NPAT: variants seen among roughly 807,000 people sequenced by gnomAD.
NPAT encodes the protein nuclear protein, coactivator of histone transcription, also known as protein NPAT.
In NPAT, 52 loss-of-function variants were observed where a neutral mutation model predicts 130.7. The observed-to-expected ratio is 0.40, with a 90% CI of 0.32 to 0.50. NPAT has a LOEUF of 0.50. NPAT is among the 20% of genes least tolerant of loss of function. NPAT has a pLI of 0.68. For missense variants in NPAT, 1,687 were observed against 1,662.6 expected (o/e 1.01, Z -0.26); for synonymous variants, 580 against 584.8 (o/e 0.99, Z 0.12).
At chr11:108,162,824 A>C (rs2077864946) in intron 15 of NPAT, among the ~76,000 whole-genome samples, 1 of 152,228 alleles carries the variant, frequency 6.6e-6, no homozygotes, top group Non-Finnish European at 1.5e-5. Context: ...AGTCACTTAA[A>C]GAAAACAACA....
chr11:108,197,235 A>AT, intron 2 of NPAT, 67 bp downstream of exon 2: 1 of 1,145,826 alleles, frequency 8.7e-7, no homozygotes, highest in South Asian at 1.2e-5. Flanking sequence ...TGATAAGCTG[A>AT]TTTTATGACT....
Position 108,173,786 on chromosome 11 carries a change from T to A in NPAT, c.1198A>T (p.Lys400Ter). Reference protein sequence around the residue: ...YQNDDPLNALKNSNNHDVLRQ... With the variant: ...YQNDDPLNAL Reference sequence around the variant, plus strand: ...AGCACATCATGGTTGTTGCTATTCTTCAAAGCATTTAATGGGTCATCATTC... The same window carrying A: ...AGCACATCATGGTTGTTGCTATTCTACAAAGCATTTAATGGGTCATCATTC... The change falls in exon 13 of 18, where the codon AAG becomes TAG. Residue 400 changes from lysine (K) to a stop codon, truncating the protein, a stop_gained. Transcript: ENST00000278612. LOFTEE classifies it high-confidence loss of function. 6.2e-7 allele frequency: 1 copy of A among 1,614,184 alleles called. No homozygotes were observed. The highest frequency in any genetic ancestry group is 8.5e-7 in the Non-Finnish European group (1 of 1,180,026).
chr11:108,172,071 A>G, intron 13 of NPAT, 128 bp downstream of exon 13: 1 of 815,440 alleles, frequency 1.2e-6, no homozygotes, highest in Non-Finnish European at 2.1e-6. Context: ...CAGCGTAATC[A>G]CAAATTTCAG....
rs1308590465 is a variant in NPAT at position 108,172,289 on chromosome 11, C to G, written c.2695G>C (p.Ala899Pro). The G allele has an allele frequency of 6.2e-7, 1 of 1,614,058 alleles. No homozygotes were observed. The part of the protein sequence containing the change: ...VLPGNSAPMT[A>P]QPLPPQLQTP... ...TGTAACTGAGGTGGTAGAGGTTGAG[C>G]AGTCATAGGTGCAGAATTTCCAGGC... Residue 899 changes from alanine (A) to proline (P), a missense_variant, in exon 13 of 18, where the codon GCT becomes CCT. Ala to Pro is a conservative substitution (Grantham distance 27). Around this residue, in one of 3 missense-constraint regions of NPAT, gnomAD observed 1,379 missense variants for 1,346.6 expected, o/e 1.02. Coordinates refer to ENST00000278612, the MANE Select transcript of NPAT (RefSeq NM_002519.3).
intron 1 of NPAT, among the ~76,000 whole-genome samples, chr11:108,211,478 G>A (rs2134895901): frequency 6.6e-6 from 1 of 151,968 alleles, no homozygotes; most frequent in Non-Finnish European, 1.5e-5. Context: ...GGGAAGTCAA[G>A]GCTGCAGTGA....
chr11:108,202,592 C>T (rs1174015913), intron 1 of NPAT, among the ~76,000 whole-genome samples: 1 of 152,140 alleles, frequency 6.6e-6, no homozygotes, highest in Non-Finnish European at 1.5e-5. Flanking sequence ...AAGCATAAAA[C>T]CTATCAATTG....
intron 1 of NPAT, among the ~76,000 whole-genome samples, chr11:108,212,744 A>T (rs1565329229): frequency 6.6e-6 from 1 of 151,856 alleles, no homozygotes. Context: ...CAGGAGTTCG[A>T]GACCAGTCTG....
At chr11:108,170,105 A>G (rs1342552264) in intron 13 of NPAT, 62 bp from the exon 14 acceptor site, 1 of 1,086,066 alleles carries the variant, frequency 9.2e-7, no homozygotes, top group African/African-American at 1.5e-5. Flanking sequence ...CAAAACAAAC[A>G]AATGTTTGGC....
intron 8 of NPAT, 52 bp from the exon 9 acceptor site, chr11:108,185,546 T>C: frequency 2.6e-6 from 3 of 1,156,058 alleles, no homozygotes; most frequent in Non-Finnish European, 3.9e-6. Context: ...TATTCTGCTA[T>C]TTAATATTTA....
rs142612255 is a variant in NPAT at position 108,212,134 on chromosome 11, A to G, written c.37+10366T>C. Reference sequence around the variant, plus strand: ...TGGTTTAAAATTCAAACCTTTCCCCATAAGATCAGGGAAAAGGTAAGAAGG... The same window carrying G: ...TGGTTTAAAATTCAAACCTTTCCCCGTAAGATCAGGGAAAAGGTAAGAAGG... On this transcript the variant is annotated intron_variant, in intron 1 of 17. Transcript: ENST00000278612. Among the ~76,000 whole-genome samples, 1,258 of 151,870 alleles carry G rather than the reference A, an allele frequency of 8.3e-3. 17 individuals are homozygous for G. Among genetic ancestry groups the G allele is most frequent in the African/African-American group, 0.029 (1,186 of 41,420 alleles).
chr11:108,174,226 T>C (rs1425079133), intron 12 of NPAT, among the ~76,000 whole-genome samples: 1 of 152,234 alleles, frequency 6.6e-6, no homozygotes, highest in Non-Finnish European at 1.5e-5. Context: ...ATCTACTGTC[T>C]CGGCCTCCCA....
chr11:108,172,258 G>T lies in NPAT; in HGVS notation c.2726C>A (p.Pro909Gln), dbSNP rs1435741975. ...AQPLPPQLQT[P>Q]PRSNSVFAVN... ...AGCAAATACACTGTTTGACCTTGGT[G>T]GTGTCTGTAACTGAGGTGGTAGAGG... The change falls in exon 13 of 18, where the codon CCA becomes CAA. Residue 909 changes from proline (P) to glutamine (Q), a missense_variant. Pro to Gln is a moderately conservative substitution (Grantham distance 76). This residue lies in a region of NPAT where 1,379 missense variants were observed against 1,346.6 expected (regional missense o/e 1.02). Coordinates refer to ENST00000278612, the MANE Select transcript of NPAT (RefSeq NM_002519.3). 3 of 1,613,896 alleles carry T rather than the reference G, an allele frequency of 1.9e-6. No homozygotes were observed. Among genetic ancestry groups the T allele is most frequent in the Non-Finnish European group, 2.5e-6 (3 of 1,179,740 alleles).
intron 7 of NPAT, among the ~76,000 whole-genome samples, chr11:108,187,805 G>A (rs778169908): frequency 1.3e-5 from 2 of 151,996 alleles, no homozygotes; most frequent in Admixed American, 6.6e-5. Flanking sequence ...AAAAAACATG[G>A]ATTGCAAAAA....
Position 108,206,930 on chromosome 11 carries a change from G to C in NPAT, c.38-9510C>G, listed in dbSNP as rs1591415190. Among the ~76,000 whole-genome samples, 3 of 151,820 alleles carry C rather than the reference G, an allele frequency of 2.0e-5. No individual in the cohort carries two copies. The South Asian group carries it at 6.2e-4, about 32-fold the overall frequency. On this transcript the variant is annotated intron_variant, in intron 1 of 17. Coordinates refer to ENST00000278612, the MANE Select transcript of NPAT (RefSeq NM_002519.3). ...CTCAGTGGAGAGGATACCCACAGTG[G>C]GAAGCTCCTTTCTGCAGTGCCTTTC...
At chr11:108,210,405 A>G (rs1234228648) in intron 1 of NPAT, among the ~76,000 whole-genome samples, 2 of 152,084 alleles carry the variant, frequency 1.3e-5, no homozygotes, top group Admixed American at 1.3e-4. Flanking sequence ...TGGTCATTTA[A>G]AAGTGTGTGA....
At chr11:108,188,259 T>A (rs2078128307) in intron 6 of NPAT, 80 bp from the exon 7 acceptor site, 6 of 1,054,846 alleles carry the variant, frequency 5.7e-6, no homozygotes, top group Middle Eastern at 2.0e-4. Flanking sequence ...AAAGCATTAG[T>A]GATTATTATT....
At chr11:108,202,771 A>AT (rs2078286409) in intron 1 of NPAT, among the ~76,000 whole-genome samples, 1 of 152,178 alleles carries the variant, frequency 6.6e-6, no homozygotes, top group Admixed American at 6.5e-5. Context: ...TTTCACCCCT[A>AT]TGCAGAAGAC....
intron 1 of NPAT, among the ~76,000 whole-genome samples, chr11:108,209,817 A>T (rs1232489783): frequency 6.9e-6 from 1 of 144,272 alleles, no homozygotes; most frequent in African/African-American, 2.6e-5. Flanking sequence ...TGAACCTGGG[A>T]GGCAGAGCTT....
At chr11:108,211,359 T>G (rs929822297) in intron 1 of NPAT, among the ~76,000 whole-genome samples, 1 of 158 alleles carries the variant, frequency 6.3e-3, no homozygotes, top group East Asian at 0.1. Context: ...CTGGGCATAA[T>G]GGCAAAAATG....
Sources: allele counts gnomAD v4.1 joint callset (sites outside exome capture counted in the v4.1 genomes callset), GRCh38; gene constraint gnomAD v4.1.1; regional missense constraint gnomAD v4.1.1; transcripts MANE v1.5; gene names NCBI Gene and HGNC (gene_info 2026-07-23, HGNC 2026-07-21).